The following NEK6 variants were observed in gnomAD, a reference collection of about 807,000 sequenced individuals.
The protein encoded by NEK6 is serine/threonine-protein kinase Nek6.
In NEK6, 27 loss-of-function variants were observed where a neutral mutation model predicts 43.5. The ratio of observed to expected loss-of-function variants is 0.62; its 90% CI spans 0.46 to 0.86. NEK6 has a LOEUF of 0.86. Among genes scored for constraint, NEK6 ranks in the 40% least tolerant of loss-of-function variants. NEK6 has a pLI of 0.00. For synonymous variants in NEK6, 167 were observed against 164.1 expected, an observed-to-expected ratio of 1.02 and a Z score of -0.14; for missense variants, 318 against 414.4, an observed-to-expected ratio of 0.77 and a Z score of 2.02.
chr9:124,326,348 C>A lies in NEK6; in HGVS notation c.424C>A (p.Arg142=), dbSNP rs767329239. The change falls in exon 6 of 10, where the codon CGG becomes AGG. Residue 142 remains arginine (R), a synonymous_variant. Coordinates refer to ENST00000320246, the MANE Select transcript of NEK6 (RefSeq NM_014397.6). This position sits in a 1 kb window ranked among gnomAD's most constrained non-coding sequence, Gnocchi z 4.5. ...QMIKYFKKQK[R]LIPERTVWKY... ...ACTGCAGTACTTTAAGAAGCAGAAG[C>A]GGCTCATCCCGGAGAGGACAGTATG... is the stretch of plus-strand genomic sequence containing the variant. 1.2e-6 allele frequency: 2 copies of A among 1,611,174 alleles called. No homozygotes were observed. Among genetic ancestry groups the A allele is most frequent in the South Asian group, 2.2e-5 (2 of 91,070 alleles).
chr9:124,277,291 C>T lies in NEK6; in HGVS notation c.-30+19206C>T, dbSNP rs116947757. Among the ~76,000 whole-genome samples, 24 of 152,280 alleles carry T rather than the reference C, an allele frequency of 1.6e-4. No individual in the cohort carries two copies. In the East Asian group the frequency reaches 4.6e-3, roughly 29 times the overall value. On this transcript the variant is annotated intron_variant, in intron 1 of 9. Transcript: ENST00000320246. ...GAAATCCCACCTCTACTAAAAATAA[C>T]AAAAATTAACCAGGCATGGTGGCAC...
At chr9:124,313,263 C>T (rs558440059) in intron 3 of NEK6, among the ~76,000 whole-genome samples, 4 of 152,184 alleles carry the variant, frequency 2.6e-5, no homozygotes, top group East Asian at 1.9e-4. Context: ...AGAGGAGGGC[C>T]GGGAGAGAGA....
intron 3 of NEK6, among the ~76,000 whole-genome samples, chr9:124,313,445 G>A (rs560397948): frequency 3.9e-5 from 6 of 152,048 alleles, no homozygotes; most frequent in African/African-American, 1.4e-4. Flanking sequence ...TCAGCTCACT[G>A]CAACCTCTGC....
At chr9:124,281,418 G>A (rs559918087) in intron 1 of NEK6, among the ~76,000 whole-genome samples, 7 of 152,006 alleles carry the variant, frequency 4.6e-5, no homozygotes, top group South Asian at 2.1e-4. Context: ...AGTCTTCCGC[G>A]GACCCACGGT....
Position 124,351,039 on chromosome 9 carries a change from G to C in NEK6, c.*92G>C. 2 of 824,712 alleles carry C rather than the reference G, an allele frequency of 2.4e-6. No homozygotes were observed. The highest frequency in any genetic ancestry group is 3.9e-6 in the Non-Finnish European group (2 of 507,058). 51.1% of individuals were successfully genotyped at this position (824,712 alleles called of 1,614,324 possible). On this transcript the variant is annotated 3_prime_UTR_variant, in exon 10 of 10. Coordinates refer to ENST00000320246, the MANE Select transcript of NEK6 (RefSeq NM_014397.6). ...AGTGGCCACCTGGTAGCCTAGAACA[G>C]CTAAGACCACAGGGTTCAGCAGGTT...
At chr9:124,303,556 C>T (rs892181298) in intron 2 of NEK6, among the ~76,000 whole-genome samples, 4 of 152,218 alleles carry the variant, frequency 2.6e-5, no homozygotes, top group African/African-American at 7.2e-5. Context: ...AGAGGCGACA[C>T]GTTGAGCTTA....
At chr9:124,345,126 A>T (rs552301579) in intron 8 of NEK6, among the ~76,000 whole-genome samples, 22 of 152,286 alleles carry the variant, frequency 1.4e-4, no homozygotes, top group Non-Finnish European at 2.8e-4. Flanking sequence ...TGTCACCCTG[A>T]TGACACCAGA....
chr9:124,330,273 G>A (rs934637885), intron 7 of NEK6, among the ~76,000 whole-genome samples: 2 of 152,238 alleles, frequency 1.3e-5, no homozygotes, highest in African/African-American at 2.4e-5. Context: ...TATTTGTCAG[G>A]AAGGATTGCA....
At chr9:124,308,699 G>A (rs1401749855) in intron 2 of NEK6, among the ~76,000 whole-genome samples, 1 of 152,068 alleles carries the variant, frequency 6.6e-6, no homozygotes, top group Non-Finnish European at 1.5e-5. Flanking sequence ...AGGCCATCGG[G>A]GTGGTCGGTC....
chr9:124,337,292 G>A (rs1029358758), intron 7 of NEK6, among the ~76,000 whole-genome samples: 4 of 152,222 alleles, frequency 2.6e-5, no homozygotes, highest in Non-Finnish European at 4.4e-5. Flanking sequence ...CAGTGTTGGC[G>A]TTTCCTGCGG....
chr9:124,331,674 T>G (rs956444657), intron 7 of NEK6, among the ~76,000 whole-genome samples: 1 of 152,190 alleles, frequency 6.6e-6, no homozygotes, highest in Admixed American at 6.5e-5. Context: ...CCTCCTCTCA[T>G]GGTGTGTGTC....
intron 7 of NEK6, among the ~76,000 whole-genome samples, chr9:124,329,615 C>T (rs1267724194): frequency 6.6e-6 from 1 of 152,230 alleles, no homozygotes; most frequent in Non-Finnish European, 1.5e-5. Context: ...CTGTGCCCGG[C>T]ATCCAGGAGA....
chr9:124,284,666 G>A (rs561064228), intron 1 of NEK6, among the ~76,000 whole-genome samples: 3 of 152,228 alleles, frequency 2.0e-5, no homozygotes, highest in Non-Finnish European at 4.4e-5. Flanking sequence ...TTCCACACCT[G>A]CCCCTGCAGG....
chr9:124,261,387 G>A, intron 1 of NEK6: 2 of 985,292 alleles, frequency 2.0e-6, no homozygotes, highest in Non-Finnish European at 2.4e-6. Flanking sequence ...GCTAGACCAA[G>A]CAAGGGAGTT....
chr9:124,278,214 G>A (rs1474371533), intron 1 of NEK6, among the ~76,000 whole-genome samples: 1 of 152,218 alleles, frequency 6.6e-6, no homozygotes, highest in African/African-American at 2.4e-5. Flanking sequence ...GCCTAGGTGT[G>A]GGGGAGGCGA....
chr9:124,278,840 C>T (rs1271305676), intron 1 of NEK6, among the ~76,000 whole-genome samples: 4 of 152,134 alleles, frequency 2.6e-5, no homozygotes, highest in Admixed American at 1.3e-4. Flanking sequence ...TTGAGAATTC[C>T]CGTCACCTAG....
At chr9:124,348,321 G>A (rs1316995009) in intron 9 of NEK6, among the ~76,000 whole-genome samples, 1 of 152,192 alleles carries the variant, frequency 6.6e-6, no homozygotes, top group Non-Finnish European at 1.5e-5. Flanking sequence ...ATTTTACACT[G>A]GCTGCGGGAG....
At chr9:124,305,785 T>C (rs767096978) in intron 2 of NEK6, among the ~76,000 whole-genome samples, 3 of 152,044 alleles carry the variant, frequency 2.0e-5, no homozygotes, top group East Asian at 3.9e-4. Flanking sequence ...TTCTGCTAGA[T>C]AGATGATCAG....
At position 124,282,030 on chromosome 9, in the gene NEK6, C is replaced by T. The variant is rs117845978; in HGVS notation, c.-29-19906C>T. 1.8e-3 allele frequency among the ~76,000 whole-genome samples: 280 copies of T among 152,300 alleles called. 1 individual carries two copies. The East Asian group carries it at 0.044, about 24-fold the overall frequency. On this transcript the variant is annotated intron_variant, in intron 1 of 9. Transcript: ENST00000320246. ...TGAGTCATGGCCACACGTGAGCCCC[C>T]GGCTCTGCCCTGGTGTGCGGTGGGG...
Sources: allele counts gnomAD v4.1 joint callset (sites outside exome capture counted in the v4.1 genomes callset), GRCh38; gene constraint gnomAD v4.1.1; non-coding constraint Gnocchi (gnomAD v3.1); transcripts MANE v1.5; gene names NCBI Gene and HGNC (gene_info 2026-07-23, HGNC 2026-07-21).